The following DLG5 variants were observed in gnomAD, a reference collection of about 807,000 sequenced individuals.
DLG5 encodes disks large homolog 5.
In DLG5, 48 loss-of-function variants were observed where a neutral mutation model predicts 189.8. The ratio of observed to expected loss-of-function variants is 0.25; its 90% CI spans 0.20 to 0.32. DLG5 has a LOEUF of 0.32. Ranked by LOEUF, DLG5 falls within the 10% of genes least tolerant of loss-of-function variation. DLG5 has a pLI of 1.00. For synonymous variants in DLG5, 1,016 were observed against 1,054.1 expected (o/e 0.96, Z 0.70); for missense variants, 2,160 against 2,544.7 (o/e 0.85, Z 3.25).
At chr10:77,858,136 T>C (rs542369541) in intron 2 of DLG5, among the ~76,000 whole-genome samples, 1 of 152,256 alleles carries the variant, frequency 6.6e-6, no homozygotes, top group East Asian at 1.9e-4. Flanking sequence ...CCCAGTGCTG[T>C]GCTTTTCAGT....
intron 1 of DLG5, among the ~76,000 whole-genome samples, chr10:77,882,278 G>A (rs1167607685): frequency 1.3e-5 from 2 of 151,494 alleles, no homozygotes; most frequent in African/African-American, 2.4e-5. Context: ...TCAGTGACCA[G>A]GAGCAAATAC....
chr10:77,893,480 T>C (rs1352244845), intron 1 of DLG5, among the ~76,000 whole-genome samples: 1 of 152,196 alleles, frequency 6.6e-6, no homozygotes, highest in East Asian at 1.9e-4. Context: ...GTGTCTGTCC[T>C]CCAGTGGCCC....
rs1434808826 is a variant in DLG5, at chr10:77,856,884, C to T, written c.382G>A (p.Gly128Arg). Reference sequence around the variant, plus strand: ...AGGGGTGGTGGGGACGGCGCCTTCCCGGTAGTGCCTGTGGAAGGGGAATAA... The same window carrying T: ...AGGGGTGGTGGGGACGGCGCCTTCCTGGTAGTGCCTGTGGAAGGGGAATAA... ...SSSLSSVGTT[G>R]KAPSPPPLLT... Residue 128 changes from glycine (G) to arginine (R), a missense_variant, in exon 3 of 32, where the codon GGG (glycine) becomes AGG (arginine). By Grantham distance (125) the Gly-to-Arg change is moderately radical. Coordinates refer to ENST00000372391, the MANE Select transcript of DLG5 (RefSeq NM_004747.4). 1 of 1,610,414 alleles carries T rather than the reference C, an allele frequency of 6.2e-7. No individual in the cohort carries two copies. The highest frequency in any genetic ancestry group is 2.2e-5 in the East Asian group (1 of 44,810).
At chr10:77,865,811 G>A (rs983587342) in intron 2 of DLG5, among the ~76,000 whole-genome samples, 1 of 152,144 alleles carries the variant, frequency 6.6e-6, no homozygotes, top group Non-Finnish European at 1.5e-5. Context: ...AAGACCTGCT[G>A]CCTTTAAGGC....
chr10:77,893,452 C>T (rs961067961), intron 1 of DLG5, among the ~76,000 whole-genome samples: 1 of 152,328 alleles, frequency 6.6e-6, no homozygotes, highest in Non-Finnish European at 1.5e-5. Context: ...AAAACAAGGT[C>T]GAGAGAGGCC....
At chr10:77,849,282 A>ACCCG (rs1204938990) in intron 5 of DLG5, among the ~76,000 whole-genome samples, 31 of 152,330 alleles carry the variant, frequency 2.0e-4, no homozygotes, top group Admixed American at 1.3e-4. Context: ...CGTGGGAGGA[A>ACCCG]CCCGGCAACA....
chr10:77,918,871 C>G (rs752662470), intron 1 of DLG5, among the ~76,000 whole-genome samples: 10 of 152,208 alleles, frequency 6.6e-5, no homozygotes, highest in Non-Finnish European at 1.2e-4. Flanking sequence ...TATAGAGCCC[C>G]CTCGCATGGG....
At chr10:77,837,216 A>C (rs1419389536) in intron 7 of DLG5, among the ~76,000 whole-genome samples, 1 of 19,956 alleles carries the variant, frequency 5.0e-5, no homozygotes, top group African/African-American at 5.3e-4. Flanking sequence ...CTCGGTCTCA[A>C]AAAAAAAAAA....
At chr10:77,883,691 C>CTTTT (rs36028891) in intron 1 of DLG5, among the ~76,000 whole-genome samples, 118 of 96,430 alleles carry the variant, frequency 1.2e-3, no homozygotes, top group African/African-American at 2.4e-3. Context: ...TAACATTGTT[C>CTTTT]TTTTTTTTTT....
At chr10:77,829,666 G>A in intron 11 of DLG5, 136 bp from the exon 12 acceptor site, 1 of 1,083,238 alleles carries the variant, frequency 9.2e-7, no homozygotes, top group Non-Finnish European at 1.3e-6. Context: ...TCCTCTTGCA[G>A]GAGTGCACAG....
rs755004684 is a variant in DLG5, at chr10:77,812,366, T to C, written c.4037A>G (p.Glu1346Gly). The C allele has an allele frequency of 6.2e-7, 1 of 1,612,230 alleles. No individual in the cohort carries two copies. Among genetic ancestry groups the C allele is most frequent in the East Asian group, 2.2e-5 (1 of 44,792 alleles). The change falls in exon 21 of 32, where the codon GAG becomes GGG. Residue 1346 changes from glutamate (E) to glycine (G), a missense_variant. Physicochemically the swap from Glu to Gly is moderately conservative, Grantham distance 98 (BLOSUM62 -2). This residue lies in a region of DLG5 where 754 missense variants were observed against 746.5 expected (regional missense o/e 1.01). Coordinates refer to ENST00000372391, the MANE Select transcript of DLG5 (RefSeq NM_004747.4). Reference protein sequence around the residue: ...GERRKDRPYVEEPRHVKVQKG... With the variant: ...GERRKDRPYVGEPRHVKVQKG... ...CTGCACCTTCACGTGGCGTGGCTCC[T>C]CCACATAAGGCCTAAGGAAAAGTCA... is the stretch of plus-strand genomic sequence containing the variant.
chr10:77,835,795 C>A lies in DLG5; in HGVS notation c.1565G>T (p.Arg522Leu). ...TCGCTCCTGGAAGGCCCAGTCCCGC[C>A]GGCACTTGGCCACATCCGCCTCCTG... is the stretch of plus-strand genomic sequence containing the variant. Reference protein sequence around the residue: ...ALQEADVAKCRRDWAFQERDK... With the variant: ...ALQEADVAKCLRDWAFQERDK... Residue 522 changes from arginine (R) to leucine (L), a missense_variant, in exon 8 of 32, where the codon CGG becomes CTG. This residue lies in a region of DLG5 where 664 missense variants were observed against 838.5 expected (regional missense o/e 0.79). Coordinates refer to ENST00000372391, the MANE Select transcript of DLG5 (RefSeq NM_004747.4). The A allele has an allele frequency of 1.2e-6, 2 of 1,613,972 alleles. No homozygotes were observed. Among genetic ancestry groups the A allele is most frequent in the East Asian group, 2.2e-5 (1 of 44,884 alleles).
chr10:77,883,223 A>G (rs1249213662), intron 1 of DLG5, among the ~76,000 whole-genome samples: 1 of 152,172 alleles, frequency 6.6e-6, no homozygotes, highest in Non-Finnish European at 1.5e-5. Flanking sequence ...TGTTCCCACA[A>G]GAGCTGCCCT....
At position 77,909,903 on chromosome 10, in the gene DLG5, G is replaced by C. The variant is rs111430393; in HGVS notation, c.304+16314C>G. Among the ~76,000 whole-genome samples the C allele has an allele frequency of 8.1e-3, 1,237 of 152,138 alleles. 19 individuals are homozygous for C. The highest frequency in any genetic ancestry group is 0.027 in the African/African-American group (1,121 of 41,470). On this transcript the variant is annotated intron_variant, in intron 1 of 31. Transcript: ENST00000372391. ...CCTTATCCTCTTATCTTTATAAAAG[G>C]CTTTTTTCCCTGGGACAAGAGGCCC...
intron 1 of DLG5, among the ~76,000 whole-genome samples, chr10:77,891,803 G>T (rs950410549): frequency 6.6e-6 from 1 of 152,192 alleles, no homozygotes; most frequent in African/African-American, 2.4e-5. Flanking sequence ...GTGCTGAAAA[G>T]CTCACATTCT....
rs115964331 is a variant in DLG5, at chr10:77,890,007, T to A, written c.305-20810A>T. 4.6e-3 allele frequency among the ~76,000 whole-genome samples: 694 copies of A among 152,116 alleles called. 6 individuals carry two copies. Among genetic ancestry groups the A allele is most frequent in the African/African-American group, 0.015 (639 of 41,484 alleles). On this transcript the variant is annotated intron_variant, in intron 1 of 31. Transcript: ENST00000372391. ...TCAGTTCCATCTACCCCAGCTGCTC[T>A]GACCATACCTGAACCACTGTACTCA...
chr10:77,825,257 G>A (rs1240308796), intron 13 of DLG5, among the ~76,000 whole-genome samples: 3 of 152,142 alleles, frequency 2.0e-5, no homozygotes, highest in Non-Finnish European at 4.4e-5. Context: ...ATGGGAGGGA[G>A]CAGGGGGTGT....
Position 77,814,505 on chromosome 10 carries a change from A to ATATATC in DLG5, c.4025+2045_4025+2046insGATATA, listed in dbSNP as rs36102159. On this transcript the variant is annotated intron_variant, in intron 20 of 31. Coordinates refer to ENST00000372391, the MANE Select transcript of DLG5 (RefSeq NM_004747.4). ...TATATATATATATATATATATATAT[A>ATATATC]TCCAAAGGGTAATGGCAATTGAATC... is the stretch of plus-strand genomic sequence containing the variant. 4.5e-3 allele frequency among the ~76,000 whole-genome samples: 492 copies of ATATATC among 110,046 alleles called. 6 individuals are homozygous for ATATATC. The highest frequency in any genetic ancestry group is 5.5e-3 in the Non-Finnish European group (299 of 54,044). 72.2% of individuals were successfully genotyped at this position (110,046 alleles called of 152,430 possible).
intron 9 of DLG5, among the ~76,000 whole-genome samples, chr10:77,833,604 G>A (rs1435950455): frequency 6.6e-6 from 1 of 152,236 alleles, no homozygotes. Context: ...GATAACACAT[G>A]CATGCCTGCC....
Sources: gnomAD v4.1 joint callset for allele counts (sites outside exome capture counted in the v4.1 genomes callset) on GRCh38, gnomAD v4.1.1 for gene constraint, gnomAD v4.1.1 regional missense constraint, MANE v1.5 for transcripts, NCBI Gene and HGNC (gene_info 2026-07-23, HGNC 2026-07-21) for gene names.